The following NEK11 variants were observed in gnomAD, a reference collection of about 807,000 sequenced individuals.
NEK11 encodes the protein serine/threonine-protein kinase Nek11.
Under a neutral mutation model 80.7 loss-of-function variants are expected in NEK11, and 72 were observed. That is an observed-to-expected ratio of 0.89 (90% CI 0.74 to 1.08). The LOEUF is 1.08. NEK11 is among the 50% of genes least tolerant of loss of function. The pLI is 0.00. For synonymous variants in NEK11, 251 were observed against 260.7 expected (o/e 0.96, Z 0.36); for missense variants, 764 against 763.6 (o/e 1.00, Z -0.01).
chr3:131,145,621 C>T (rs1560624140), intron 7 of NEK11, among the ~76,000 whole-genome samples: 1 of 152,100 alleles, frequency 6.6e-6, no homozygotes, highest in South Asian at 2.1e-4. Flanking sequence ...AAGGCTCTGT[C>T]AGGGCTAGCC....
chr3:131,082,113 G>T (rs1357997737), intron 4 of NEK11, among the ~76,000 whole-genome samples: 2 of 152,152 alleles, frequency 1.3e-5, no homozygotes, highest in Non-Finnish European at 2.9e-5. Flanking sequence ...CAGGTCATTT[G>T]GATATCTGGT....
At chr3:131,319,966 A>G (rs1231447849) in intron 17 of NEK11, among the ~76,000 whole-genome samples, 1 of 152,132 alleles carries the variant, frequency 6.6e-6, no homozygotes, top group African/African-American at 2.4e-5. Context: ...AAACTAAAAT[A>G]TTCTAATTAA....
chr3:131,138,182 C>T lies in NEK11; in HGVS notation c.647+4226C>T, dbSNP rs552294915. ...CCTGGGCCAGAGGGGAACCCACTGCCCTGAGGGGTGAGTTCCAGGCCTGGT... is the reference window on the plus strand; with the variant it reads ...CCTGGGCCAGAGGGGAACCCACTGCTCTGAGGGGTGAGTTCCAGGCCTGGT... On this transcript the variant is annotated intron_variant, in intron 7 of 17. Transcript: ENST00000383366. Among the ~76,000 whole-genome samples, 15 of 152,264 alleles carry T rather than the reference C, an allele frequency of 9.9e-5. No homozygotes were observed. In the South Asian group the frequency reaches 1.7e-3, roughly 17 times the overall value.
At chr3:131,031,122 G>T (rs980016096) in intron 3 of NEK11, among the ~76,000 whole-genome samples, 1 of 152,204 alleles carries the variant, frequency 6.6e-6, no homozygotes, top group Non-Finnish European at 1.5e-5. Context: ...CATAGGAATT[G>T]TAAAGGTAAA....
intron 4 of NEK11, among the ~76,000 whole-genome samples, chr3:131,088,533 A>G (rs900661103): frequency 6.6e-6 from 1 of 152,232 alleles, no homozygotes; most frequent in African/African-American, 2.4e-5. Context: ...GAATTTATAT[A>G]AATACAAGTG....
chr3:131,137,723 T>C (rs922577717), intron 7 of NEK11, among the ~76,000 whole-genome samples: 3 of 152,206 alleles, frequency 2.0e-5, no homozygotes, highest in African/African-American at 7.2e-5. Context: ...TTTGGCCTGA[T>C]GAATTTTAAA....
At chr3:131,086,205 A>G (rs2075963976) in intron 4 of NEK11, among the ~76,000 whole-genome samples, 1 of 152,156 alleles carries the variant, frequency 6.6e-6, no homozygotes, top group African/African-American at 2.4e-5. Flanking sequence ...TGAAATTGAT[A>G]AATATCCTGG....
At chr3:131,141,148 C>T (rs912924351) in intron 7 of NEK11, among the ~76,000 whole-genome samples, 1 of 151,920 alleles carries the variant, frequency 6.6e-6, no homozygotes, top group African/African-American at 2.4e-5. Context: ...CCTTCTTGCC[C>T]CTAGGGTGGT....
intron 12 of NEK11, among the ~76,000 whole-genome samples, chr3:131,166,269 C>A (rs1306835318): frequency 3.3e-5 from 5 of 152,322 alleles, no homozygotes; most frequent in African/African-American, 1.2e-4. Flanking sequence ...TCACGGAGAT[C>A]CCTGCATGTG....
intron 4 of NEK11, among the ~76,000 whole-genome samples, chr3:131,101,800 T>A (rs1280229301): frequency 3.9e-5 from 6 of 152,222 alleles, no homozygotes; most frequent in Admixed American, 3.9e-4. Flanking sequence ...TGATGGTATG[T>A]CTAATGCTGT....
chr3:131,248,175 T>A (rs755843344), intron 16 of NEK11, among the ~76,000 whole-genome samples: 3 of 152,070 alleles, frequency 2.0e-5, no homozygotes, highest in Non-Finnish European at 2.9e-5. Flanking sequence ...TGTACCAGGT[T>A]TAGGAGAATT....
chr3:131,335,884 T>C (rs942491044), intron 17 of NEK11, among the ~76,000 whole-genome samples: 266 of 148,024 alleles, frequency 1.8e-3, no homozygotes, highest in Non-Finnish European at 3.3e-3. Context: ...TCAAAGAGAA[T>C]AAAATACCTA....
At chr3:131,099,218 A>G (rs2077975358) in intron 4 of NEK11, among the ~76,000 whole-genome samples, 1 of 152,214 alleles carries the variant, frequency 6.6e-6, no homozygotes, top group South Asian at 2.1e-4. Flanking sequence ...AGGACCATTT[A>G]TTGAAAAGAG....
chr3:131,345,113 C>A (rs2097342409), intron 17 of NEK11, among the ~76,000 whole-genome samples: 1 of 151,990 alleles, frequency 6.6e-6, no homozygotes, highest in African/African-American at 2.4e-5. Context: ...AAATGACCAA[C>A]TCTTGGTTTG....
chr3:131,079,599 C>T (rs964288332), intron 3 of NEK11, among the ~76,000 whole-genome samples: 2 of 151,894 alleles, frequency 1.3e-5, no homozygotes, highest in Admixed American at 1.3e-4. Context: ...TTATCAGACT[C>T]TTTTTTTTCT....
chr3:131,261,829 T>C (rs2095926922), intron 16 of NEK11, among the ~76,000 whole-genome samples: 1 of 152,318 alleles, frequency 6.6e-6, no homozygotes, highest in South Asian at 2.1e-4. Context: ...CTACTATTTA[T>C]ATTGCTTTTG....
At chr3:131,224,692 G>A (rs2095137578) in intron 14 of NEK11, among the ~76,000 whole-genome samples, 1 of 152,152 alleles carries the variant, frequency 6.6e-6, no homozygotes, top group Non-Finnish European at 1.5e-5. Context: ...TAGAGACCTT[G>A]TAGTGGGACA....
intron 3 of NEK11, among the ~76,000 whole-genome samples, chr3:131,039,289 A>G (rs2066099235): frequency 6.6e-6 from 1 of 152,198 alleles, no homozygotes; most frequent in Admixed American, 6.5e-5. Flanking sequence ...CAGAATTCTT[A>G]ATGGTTGATG....
chr3:131,042,072 A>C (rs2066586721), intron 3 of NEK11, among the ~76,000 whole-genome samples: 1 of 152,240 alleles, frequency 6.6e-6, no homozygotes. Context: ...ATTCCAGCTC[A>C]GCCACTATAC....
Sources: allele counts gnomAD v4.1 joint callset (sites outside exome capture counted in the v4.1 genomes callset), GRCh38; gene constraint gnomAD v4.1.1; transcripts MANE v1.5; gene names NCBI Gene and HGNC (gene_info 2026-07-23, HGNC 2026-07-21).